UGP2: variants seen among roughly 807,000 people sequenced by gnomAD.
UGP2 encodes the protein UTP--glucose-1-phosphate uridylyltransferase.
In UGP2, 40 loss-of-function variants were observed where a neutral mutation model predicts 49.0. That is an observed-to-expected ratio of 0.82 (90% confidence interval 0.63 to 1.06). UGP2 has a LOEUF of 1.06. Among genes scored for constraint, UGP2 ranks in the 50% least tolerant of loss-of-function variants. The pLI is 0.00. For synonymous variants in UGP2, 225 were observed against 213.0 expected, an observed-to-expected ratio of 1.06 and a Z score of -0.49; for missense variants, 460 against 603.5, an observed-to-expected ratio of 0.76 and a Z score of 2.49.
intron 3 of UGP2, among the ~76,000 whole-genome samples, chr2:63,876,028 G>A (rs1452713054): frequency 6.6e-6 from 1 of 151,992 alleles, no homozygotes; most frequent in African/African-American, 2.4e-5. Flanking sequence ...GCATTCTCCT[G>A]GGGGAGCTAA....
intron 3 of UGP2, among the ~76,000 whole-genome samples, chr2:63,879,873 G>A (rs1671172565): frequency 6.6e-6 from 1 of 152,064 alleles, no homozygotes; most frequent in African/African-American, 2.4e-5. Context: ...ACATAAATAG[G>A]TAAGACTGTC....
chr2:63,890,627 C>T (rs72808237), intron 9 of UGP2, among the ~76,000 whole-genome samples: 2 of 152,242 alleles, frequency 1.3e-5, no homozygotes, highest in Non-Finnish European at 2.9e-5. Flanking sequence ...ATACTCCTCC[C>T]ATTAAAGCTA....
intron 1 of UGP2, among the ~76,000 whole-genome samples, chr2:63,842,980 C>T (rs1182640632): frequency 1.3e-5 from 2 of 152,122 alleles, no homozygotes; most frequent in Non-Finnish European, 2.9e-5. Flanking sequence ...ATGAGATTTG[C>T]CTTCTGGTAT....
intron 3 of UGP2, among the ~76,000 whole-genome samples, chr2:63,859,919 A>G (rs1484026530): frequency 6.6e-6 from 1 of 152,218 alleles, no homozygotes; most frequent in Non-Finnish European, 1.5e-5. Flanking sequence ...TGTGTTTTAT[A>G]TACGATATGC....
intron 2 of UGP2, chr2:63,856,930 G>A (rs1277087373): frequency 2.4e-6 from 1 of 411,918 alleles, no homozygotes; most frequent in Non-Finnish European, 4.8e-6. Context: ...ATGTTTTGAA[G>A]CTAGCTGTGT....
Position 63,891,195 on chromosome 2 carries a change from G to C in UGP2, c.1495G>C (p.Val499Leu), listed in dbSNP as rs150445959. ...PPGAVLENKI[V>L]SGNLRILDH ...TGGAGCAGTATTAGAGAACAAGATT[G>C]TGTCTGGAAACCTTCGCATCTTGGA... The change falls in exon 10 of 10, where the codon GTG (valine) becomes CTG (leucine). Residue 499 changes from valine (V) to leucine (L), a missense_variant. By Grantham distance (32) the Val-to-Leu change is conservative. Around this residue, in one of 2 missense-constraint regions of UGP2, gnomAD observed 317 missense variants for 473.0 expected, o/e 0.67. Coordinates refer to ENST00000337130, the MANE Select transcript of UGP2 (RefSeq NM_006759.4). 1 of 1,613,822 alleles carries C rather than the reference G, an allele frequency of 6.2e-7. No individual in the cohort carries two copies. Among genetic ancestry groups the C allele is most frequent in the African/African-American group, 1.3e-5 (1 of 75,036 alleles).
intron 3 of UGP2, among the ~76,000 whole-genome samples, chr2:63,876,448 A>C (rs1039973995): frequency 6.6e-6 from 1 of 152,178 alleles, no homozygotes; most frequent in Non-Finnish European, 1.5e-5. Context: ...CAGTAACGTT[A>C]TCTTGACCAC....
At chr2:63,851,511 A>G (rs550206434) in intron 1 of UGP2, among the ~76,000 whole-genome samples, 1 of 152,230 alleles carries the variant, frequency 6.6e-6, no homozygotes, top group South Asian at 2.1e-4. Flanking sequence ...GAAGCAAATC[A>G]AGTAAAACAG....
rs1299933843 is a variant in UGP2, at chr2:63,856,430, T to C, written c.144T>C (p.Phe48=). The C allele has an allele frequency of 6.2e-7, 1 of 1,611,122 alleles. No individual in the cohort carries two copies. Among genetic ancestry groups the C allele is most frequent in the Non-Finnish European group, 8.5e-7 (1 of 1,179,886 alleles). The change falls in exon 2 of 10, where the codon TTT becomes TTC. Residue 48 remains phenylalanine (F), a synonymous_variant. Transcript: ENST00000337130. ...TCACCACAGCATCATCACATGAATT[T>C]GAGGTAAGGAGGTTTCTACAGTGTT... is the stretch of plus-strand genomic sequence containing the variant. ...KILTTASSHE[F]EHTKKDLDGF...
intron 8 of UGP2, chr2:63,887,857 TC>T (rs1671797042): frequency 9.3e-6 from 6 of 648,476 alleles, no homozygotes; most frequent in Non-Finnish European, 1.5e-5. Context: ...TAGAAAATAA[TC>T]TTTAAATTTT....
At chr2:63,891,059 G>C in intron 9 of UGP2, 61 bp from the exon 10 acceptor site, 1 of 1,431,892 alleles carries the variant, frequency 7.0e-7, no homozygotes, top group Admixed American at 1.8e-5. Context: ...CTTGATCACT[G>C]TAAGATAATC....
At chr2:63,870,271 A>G (rs1047699681) in intron 3 of UGP2, among the ~76,000 whole-genome samples, 1 of 152,204 alleles carries the variant, frequency 6.6e-6, no homozygotes, top group Non-Finnish European at 1.5e-5. Context: ...AATAGCTGGG[A>G]AAATAAAAAT....
chr2:63,850,137 T>TTGTA (rs1668951913), intron 1 of UGP2, among the ~76,000 whole-genome samples: 1 of 152,222 alleles, frequency 6.6e-6, no homozygotes, highest in Non-Finnish European at 1.5e-5. Context: ...AGCTACTCTA[T>TTGTA]TGTATAAGAG....
chr2:63,886,304 C>T, intron 6 of UGP2, 37 bp from the exon 7 acceptor site: 2 of 1,595,004 alleles, frequency 1.3e-6, no homozygotes, highest in Non-Finnish European at 1.7e-6. Context: ...GCACTTGAGA[C>T]TGATGTGGAG....
intron 3 of UGP2, among the ~76,000 whole-genome samples, chr2:63,877,613 AACATCAGT>A (rs1670992619): frequency 6.6e-6 from 1 of 152,226 alleles, no homozygotes; most frequent in African/African-American, 2.4e-5. Context: ...TGTGTCTCTG[AACATCAGT>A]TTTCATTGCA....
intron 3 of UGP2, among the ~76,000 whole-genome samples, chr2:63,877,441 A>C (rs1275549021): frequency 6.6e-6 from 1 of 152,208 alleles, no homozygotes; most frequent in East Asian, 1.9e-4. Flanking sequence ...AGTTTTGTGC[A>C]TGTCGACGGA....
chr2:63,888,073 G>GTA (rs920376192), intron 8 of UGP2: 2 of 162,272 alleles, frequency 1.2e-5, no homozygotes, highest in African/African-American at 4.8e-5. Flanking sequence ...TGATAAGTAA[G>GTA]TAAATGTATG....
rs542586921 is a variant in UGP2 at position 63,891,408 on chromosome 2, C to G, written c.*181C>G. 7.2e-5 allele frequency: 30 copies of G among 419,190 alleles called. No homozygotes were observed. In the Admixed American group the frequency reaches 9.6e-4, roughly 13 times the overall value. The allele number at this position is 419,190 out of a possible 1,614,324, so 26.0% of individuals were successfully genotyped here. On this transcript the variant is annotated 3_prime_UTR_variant, in exon 10 of 10. Transcript: ENST00000337130. ...AAAAGCACAGATGGAGCAATACTTT[C>G]CTTCTTTGAAGAGAATCCCAAAAGT...
upstream of UGP2, chr2:63,841,306 C>G (rs565833556): frequency 1.5e-3 from 232 of 152,066 alleles, no homozygotes; most frequent in Non-Finnish European, 2.6e-3. Flanking sequence ...GTGTTTCCCG[C>G]TCTCGCTGGC....
Sources: allele counts gnomAD v4.1 joint callset (sites outside exome capture counted in the v4.1 genomes callset), GRCh38; gene constraint gnomAD v4.1.1; regional missense constraint gnomAD v4.1.1; transcripts MANE v1.5; gene names NCBI Gene and HGNC (gene_info 2026-07-23, HGNC 2026-07-21).